ZNF469: variants seen among roughly 807,000 people sequenced by gnomAD.
The protein encoded by ZNF469 is zinc finger protein 469.
A neutral mutation model predicts 1.0 loss-of-function variants in ZNF469; 1 was observed. The observed-to-expected ratio is 1.00, with a 90% CI of 0.35 to 4.73. ZNF469 has a LOEUF of 4.73. ZNF469 is among the 30% of genes most tolerant of loss of function. The pLI is 0.16. For synonymous variants in ZNF469, 2,703 were observed against 2,363.4 expected (o/e 1.14, Z -4.17); for missense variants, 6,100 against 5,356.3 (o/e 1.14, Z -4.33).
the ZNF469 span, among the ~76,000 whole-genome samples, chr16:88,119,249 C>T: frequency 3.9e-5 from 6 of 152,174 alleles, no homozygotes; most frequent in African/African-American, 7.2e-5. Context: ...CCCTGGGAAG[C>T]GGGTCTGAAA....
At chr16:88,311,810 T>A in the ZNF469 span, among the ~76,000 whole-genome samples, 1 of 152,226 alleles carries the variant, frequency 6.6e-6, no homozygotes, top group African/African-American at 2.4e-5. Flanking sequence ...ACATATTGAT[T>A]TGCATTTTCG....
the ZNF469 span, among the ~76,000 whole-genome samples, chr16:88,211,738 C>G: frequency 6.6e-6 from 1 of 152,164 alleles, no homozygotes; most frequent in East Asian, 1.9e-4. Flanking sequence ...AACCGTCCAG[C>G]TGCTGTGATC....
chr16:88,315,283 G>A, the ZNF469 span, among the ~76,000 whole-genome samples: 1 of 152,212 alleles, frequency 6.6e-6, no homozygotes, highest in African/African-American at 2.4e-5. Context: ...AGGTCCCTGG[G>A]GCAGGGGCTG....
chr16:88,202,132 T>C, the ZNF469 span, among the ~76,000 whole-genome samples: 22 of 152,040 alleles, frequency 1.4e-4, no homozygotes, highest in Non-Finnish European at 2.1e-4. Context: ...GCGTCTGTGG[T>C]GTGAGGCATG....
the ZNF469 span, among the ~76,000 whole-genome samples, chr16:88,192,997 GTGGTGATGGTGGTGA>G: frequency 1.5e-5 from 2 of 135,244 alleles, no homozygotes; most frequent in South Asian, 2.4e-4. Context: ...GATGGTGGTG[GTGGTGATGGTGGTGA>G]TGGTGGTGGT....
At chr16:88,378,991 G>A (rs370828122), upstream of ZNF469, among the ~76,000 whole-genome samples, 71 of 152,344 alleles carry the variant, frequency 4.7e-4, 1 homozygote, top group Middle Eastern at 6.8e-3. Flanking sequence ...GGATGGACGG[G>A]TGTCCACACA....
chr16:88,400,875 G>A (rs897758953), intron 1 of ZNF469, among the ~76,000 whole-genome samples: 1 of 151,890 alleles, frequency 6.6e-6, no homozygotes, highest in Non-Finnish European at 1.5e-5. Flanking sequence ...CCACCACTAG[G>A]GACCAAGCAG....
the ZNF469 span, among the ~76,000 whole-genome samples, chr16:88,263,438 G>A: frequency 6.0e-3 from 918 of 152,330 alleles, 7 homozygotes; most frequent in African/African-American, 0.021. Flanking sequence ...TGGGCCGCTC[G>A]CGGGAAGAGG....
chr16:88,122,250 A>T, the ZNF469 span, among the ~76,000 whole-genome samples: 2 of 149,038 alleles, frequency 1.3e-5, no homozygotes, highest in African/African-American at 2.5e-5. Flanking sequence ...CGCTACAGCC[A>T]CGGCAGCCAC....
At chr16:88,101,127 G>A in the ZNF469 span, 444 of 158,616 alleles carry the variant, frequency 2.8e-3, 1 homozygote, top group Non-Finnish European at 5.2e-3. Flanking sequence ...CAGAAGTGAA[G>A]TGTTTTCACG....
chr16:88,297,246 C>T, the ZNF469 span, among the ~76,000 whole-genome samples: 1 of 152,196 alleles, frequency 6.6e-6, no homozygotes, highest in South Asian at 2.1e-4. Flanking sequence ...CTCGGCTGTG[C>T]TGATGGCTAC....
At chr16:88,302,752 G>A in the ZNF469 span, among the ~76,000 whole-genome samples, 4 of 152,148 alleles carry the variant, frequency 2.6e-5, no homozygotes, top group African/African-American at 4.8e-5. Flanking sequence ...GCTCTGTAGG[G>A]CCCTGCATCT....
the ZNF469 span, among the ~76,000 whole-genome samples, chr16:88,117,157 C>T: frequency 3.4e-5 from 5 of 148,372 alleles, no homozygotes; most frequent in East Asian, 2.0e-4. Context: ...GAGCTGGGGA[C>T]GTGTGAGAAC....
chr16:88,250,973 G>T, the ZNF469 span, among the ~76,000 whole-genome samples: 1 of 152,186 alleles, frequency 6.6e-6, no homozygotes, highest in Admixed American at 6.5e-5. Flanking sequence ...TGCCTCCCGG[G>T]TTCAAGCGAT....
chr16:88,113,486 G>T, the ZNF469 span, among the ~76,000 whole-genome samples: 1 of 152,348 alleles, frequency 6.6e-6, no homozygotes, highest in Non-Finnish European at 1.5e-5. Context: ...GGTGACAGGA[G>T]AGCCTGCTGA....
the ZNF469 span, among the ~76,000 whole-genome samples, chr16:88,301,215 C>T: frequency 7.3e-5 from 11 of 151,584 alleles, no homozygotes; most frequent in African/African-American, 2.4e-4. Flanking sequence ...AGTGCAGTGG[C>T]GCCATCTCAG....
chr16:88,169,629 C>G, the ZNF469 span, among the ~76,000 whole-genome samples: 7 of 152,232 alleles, frequency 4.6e-5, no homozygotes, highest in Non-Finnish European at 4.4e-5. This position sits in a 1 kb window ranked among gnomAD's most constrained non-coding sequence, Gnocchi z 6.1. Flanking sequence ...TGGGCTGATT[C>G]CGGGTCTGCC....
chr16:88,435,507 C>T lies in ZNF469; in HGVS notation c.8037C>T (p.Leu2679=). 1.3e-6 allele frequency: 2 copies of T among 1,549,416 alleles called. No homozygotes were observed. The highest frequency in any genetic ancestry group is 1.7e-6 in the Non-Finnish European group (2 of 1,146,988). ...ACGCAGCCTCTCCGAGCCACTGCCT[C>T]TCTGTGGAAGGAGGGCCTGAGGCTG... ...ASYAASPSHC[L]SVEGGPEADG... Residue 2679 remains leucine, a synonymous_variant, in exon 3 of 3, where the codon CTC becomes CTT. Transcript: ENST00000565624.
upstream of ZNF469, among the ~76,000 whole-genome samples, chr16:88,380,523 G>C (rs1027608700): frequency 2.6e-4 from 19 of 73,394 alleles, no homozygotes; most frequent in African/African-American, 1.1e-3. Flanking sequence ...GCACACACAC[G>C]CACTAACACA....
Sources: gnomAD v4.1 joint callset for allele counts (sites outside exome capture counted in the v4.1 genomes callset) on GRCh38, gnomAD v4.1.1 for gene constraint, Gnocchi (gnomAD v3.1) non-coding constraint, MANE v1.5 for transcripts, NCBI Gene and HGNC (gene_info 2026-07-23, HGNC 2026-07-21) for gene names.